Variants in GMDS observed in about 807,000 individuals in gnomAD.
GMDS encodes GDP-mannose 4,6-dehydratase, also known as GDP-mannose 4,6 dehydratase.
Under a neutral mutation model 49.9 loss-of-function variants are expected in GMDS, and 20 were observed. The observed-to-expected ratio is 0.40, with a 90% CI of 0.28 to 0.58. The LOEUF (loss-of-function observed/expected upper bound fraction) is 0.58. Ranked by LOEUF, GMDS falls within the 20% of genes least tolerant of loss-of-function variation. The probability of loss-of-function intolerance (pLI) is 0.42; values close to 1 mark genes in which losing one functional copy is unlikely to be tolerated. For missense variants in GMDS, 362 were observed against 481.4 expected, an observed-to-expected ratio of 0.75 and a Z score of 2.32; for synonymous variants, 177 against 178.6, an observed-to-expected ratio of 0.99 and a Z score of 0.07.
At chr6:2,066,364 G>C (rs1480517655) in intron 4 of GMDS, among the ~76,000 whole-genome samples, 1 of 135,628 alleles carries the variant, frequency 7.4e-6, no homozygotes, top group Non-Finnish European at 1.6e-5. Context: ...ATCAACTAAT[G>C]AGCAAAATAA....
chr6:1,895,941 G>A (rs1760153102), intron 7 of GMDS, among the ~76,000 whole-genome samples: 1 of 151,936 alleles, frequency 6.6e-6, no homozygotes, highest in South Asian at 2.1e-4. Context: ...ATTACTTACC[G>A]AGCCACAGTG....
At chr6:1,719,547 A>G (rs1482939812) in intron 9 of GMDS, among the ~76,000 whole-genome samples, 1 of 152,242 alleles carries the variant, frequency 6.6e-6, no homozygotes, top group Non-Finnish European at 1.5e-5. Context: ...CTCCATGAAC[A>G]CAGATTTTTG....
At chr6:2,175,849 G>T in intron 1 of GMDS, 1 of 739,194 alleles carries the variant, frequency 1.4e-6, no homozygotes, top group Non-Finnish European at 2.4e-6. Context: ...ACCCACGTAA[G>T]TTCATGAACC....
At chr6:1,913,238 G>T (rs1051463456) in intron 7 of GMDS, among the ~76,000 whole-genome samples, 4 of 151,462 alleles carry the variant, frequency 2.6e-5, no homozygotes, top group South Asian at 2.1e-4. Flanking sequence ...AAAATTAGCC[G>T]GGCGTAGTGG....
At chr6:1,710,493 C>T (rs780491126) in intron 9 of GMDS, among the ~76,000 whole-genome samples, 8 of 152,312 alleles carry the variant, frequency 5.3e-5, no homozygotes, top group South Asian at 2.1e-4. Context: ...ATGGAGCTTC[C>T]GCCTATCAGA....
At chr6:1,832,072 C>A (rs1756672638) in intron 7 of GMDS, among the ~76,000 whole-genome samples, 1 of 151,870 alleles carries the variant, frequency 6.6e-6, no homozygotes, top group South Asian at 2.1e-4. Flanking sequence ...GAATTAAAAT[C>A]TCTTTAGAAC....
intron 4 of GMDS, among the ~76,000 whole-genome samples, chr6:2,048,343 G>C (rs372723355): frequency 6.6e-6 from 1 of 152,098 alleles, no homozygotes. Context: ...AAAAAGATAA[G>C]TCCTTCCCAA....
intron 9 of GMDS, among the ~76,000 whole-genome samples, chr6:1,641,469 G>A (rs1763327914): frequency 6.6e-6 from 1 of 152,236 alleles, no homozygotes; most frequent in Admixed American, 6.5e-5. Context: ...GAAGGTCAGG[G>A]TGCCGTGCAC....
At chr6:1,835,978 C>G (rs1756906478) in intron 7 of GMDS, among the ~76,000 whole-genome samples, 1 of 152,084 alleles carries the variant, frequency 6.6e-6, no homozygotes, top group Admixed American at 6.6e-5. Flanking sequence ...AGCTCCGCCT[C>G]CCGGGTTCAC....
chr6:2,084,104 A>G (rs929716156), intron 4 of GMDS, among the ~76,000 whole-genome samples: 4 of 152,208 alleles, frequency 2.6e-5, no homozygotes, highest in African/African-American at 9.6e-5. Flanking sequence ...CAAGTAACTT[A>G]CTTTCCTGGC....
chr6:2,215,416 A>T (rs1291430219), intron 1 of GMDS, among the ~76,000 whole-genome samples: 1 of 152,160 alleles, frequency 6.6e-6, no homozygotes, highest in African/African-American at 2.4e-5. Flanking sequence ...AGCCAAGCAA[A>T]AGGGTTTCCC....
chr6:1,744,769 A>C (rs1282169398), intron 7 of GMDS, among the ~76,000 whole-genome samples: 1 of 152,222 alleles, frequency 6.6e-6, no homozygotes, highest in Non-Finnish European at 1.5e-5. Flanking sequence ...GCGGCCTGGA[A>C]CACCCTGTCT....
At chr6:2,067,850 C>G (rs867628430) in intron 4 of GMDS, among the ~76,000 whole-genome samples, 92 of 152,150 alleles carry the variant, frequency 6.0e-4, no homozygotes, top group African/African-American at 1.5e-3. Context: ...GGAGGAACTG[C>G]TACCATTCCT....
intron 4 of GMDS, among the ~76,000 whole-genome samples, chr6:2,073,584 A>G (rs1214325720): frequency 6.6e-6 from 1 of 152,100 alleles, no homozygotes; most frequent in Non-Finnish European, 1.5e-5. Context: ...CTGCTACCAA[A>G]TATTAGAACT....
intron 6 of GMDS, among the ~76,000 whole-genome samples, chr6:1,959,486 A>G (rs144318972): frequency 6.6e-6 from 1 of 152,354 alleles, no homozygotes; most frequent in African/African-American, 2.4e-5. Flanking sequence ...AAAATAACAT[A>G]GATCCTACAG....
At chr6:2,159,290 T>A (rs573735118) in intron 1 of GMDS, among the ~76,000 whole-genome samples, 1 of 152,206 alleles carries the variant, frequency 6.6e-6, no homozygotes, top group Non-Finnish European at 1.5e-5. Flanking sequence ...TCCCAAAAAT[T>A]TAACTGCTAA....
chr6:2,154,863 C>CAAAAAAAAAAAAAAAAAAAAAAAA (rs70992124), intron 1 of GMDS, among the ~76,000 whole-genome samples: 1 of 65,624 alleles, frequency 1.5e-5, no homozygotes, highest in Non-Finnish European at 3.0e-5. Flanking sequence ...TGAAGAGATG[C>CAAAAAAAAAAAAAAAAAAAAAAAA]AAAAAAAAAA....
chr6:1,981,911 A>G (rs111561462), intron 4 of GMDS, among the ~76,000 whole-genome samples: 2,793 of 152,316 alleles, frequency 0.018, 88 homozygotes, highest in African/African-American at 0.064. Flanking sequence ...AAACAGAACT[A>G]AAGACACAAA....
intron 1 of GMDS, among the ~76,000 whole-genome samples, chr6:2,155,815 A>C (rs1777086554): frequency 6.6e-6 from 1 of 152,194 alleles, no homozygotes; most frequent in Non-Finnish European, 1.5e-5. Context: ...TCTCTGCTGA[A>C]AAGTATTTTT....
Sources: allele counts gnomAD v4.1 joint callset (sites outside exome capture counted in the v4.1 genomes callset), GRCh38; gene constraint gnomAD v4.1.1; transcripts MANE v1.5; gene names NCBI Gene and HGNC (gene_info 2026-07-23, HGNC 2026-07-21).